ERC1: variants seen among roughly 807,000 people sequenced by gnomAD.
ERC1 encodes RAB6 interacting protein 2.
Under a neutral mutation model 132.0 loss-of-function variants are expected in ERC1, and 56 were observed. That is an observed-to-expected ratio of 0.42 (90% confidence interval 0.34 to 0.53). ERC1 has a LOEUF of 0.53. Ranked by LOEUF, ERC1 falls within the 20% of genes least tolerant of loss-of-function variation. The pLI is 0.03. For synonymous variants in ERC1, 478 were observed against 476.1 expected (o/e 1.00, Z -0.05); for missense variants, 1,202 against 1,349.9 (o/e 0.89, Z 1.72).
intron 2 of ERC1, among the ~76,000 whole-genome samples, chr12:1,045,041 A>G (rs948309899): frequency 2.1e-4 from 32 of 152,274 alleles, no homozygotes; most frequent in African/African-American, 7.5e-4. Context: ...TCCACAAATA[A>G]TTTAAAATAC....
chr12:1,438,972 A>ATATATAT (rs1246217572), intron 17 of ERC1, among the ~76,000 whole-genome samples: 3,329 of 143,784 alleles, frequency 0.023, 60 homozygotes, highest in Non-Finnish European at 0.035. Flanking sequence ...TATATATATA[A>ATATATAT]AAAATGACAT....
intron 2 of ERC1, among the ~76,000 whole-genome samples, chr12:1,058,692 C>T (rs1192796042): frequency 1.3e-5 from 2 of 151,434 alleles, no homozygotes; most frequent in Admixed American, 6.6e-5. Context: ...TTTCTGGTTC[C>T]ATATAAACTT....
chr12:1,132,172 T>G (rs992321618), intron 7 of ERC1, among the ~76,000 whole-genome samples: 2 of 152,196 alleles, frequency 1.3e-5, no homozygotes, highest in African/African-American at 4.8e-5. Context: ...GTTTTTGTGG[T>G]GGTTTTTATC....
At chr12:1,419,363 C>A (rs2092330911) in intron 17 of ERC1, among the ~76,000 whole-genome samples, 1 of 151,588 alleles carries the variant, frequency 6.6e-6, no homozygotes, top group Non-Finnish European at 1.5e-5. Flanking sequence ...AATTATACGT[C>A]CTGGATACAT....
Position 1,444,746 on chromosome 12 carries a change from G to A in ERC1, c.3209G>A (p.Gly1070Glu). ...WENELQKMTR[G>E]QLQDELEKGE... ...AATGAGCTGCAGAAGATGACCCGGG[G>A]GCAGGTGAGCCTCTCACTCAAACTT... The change falls in exon 18 of 19, where the codon GGG (glycine) becomes GAG (glutamate). Residue 1070 changes from glycine (G) to glutamate (E), a missense_variant. Transcript: ENST00000360905. 11 of 1,613,370 alleles carry A rather than the reference G, an allele frequency of 6.8e-6. No individual in the cohort carries two copies. Among genetic ancestry groups the A allele is most frequent in the Non-Finnish European group, 9.3e-6 (11 of 1,179,816 alleles).
At chr12:1,459,240 C>A (rs1337367838) in intron 18 of ERC1, among the ~76,000 whole-genome samples, 1 of 152,050 alleles carries the variant, frequency 6.6e-6, no homozygotes, top group Non-Finnish European at 1.5e-5. Context: ...AAAATGGTTT[C>A]TATGAAATGA....
chr12:1,073,175 C>G (rs1940719872), intron 2 of ERC1, among the ~76,000 whole-genome samples: 1 of 152,044 alleles, frequency 6.6e-6, no homozygotes, highest in South Asian at 2.1e-4. Flanking sequence ...TGGCTGTGCA[C>G]TTGTAGTCCC....
intron 1 of ERC1, among the ~76,000 whole-genome samples, chr12:1,017,678 T>C (rs963701768): frequency 6.6e-6 from 1 of 151,934 alleles, no homozygotes; most frequent in African/African-American, 2.4e-5. Context: ...TTTGTATTTT[T>C]CGTAGAGATG....
intron 2 of ERC1, among the ~76,000 whole-genome samples, chr12:1,076,200 C>T (rs35586095): frequency 0.23 from 34,527 of 151,952 alleles, 4,343 homozygotes; most frequent in Middle Eastern, 0.28. Flanking sequence ...TGCTGTGCTT[C>T]GTATAGTACA....
At chr12:1,430,712 CAG>C (rs1017131907) in intron 17 of ERC1, 10 of 152,224 alleles carry the variant, frequency 6.6e-5, no homozygotes, top group African/African-American at 2.4e-4. Flanking sequence ...TATGGGATGT[CAG>C]AGAGGGAAAA....
intron 12 of ERC1, among the ~76,000 whole-genome samples, chr12:1,209,848 A>G (rs952778619): frequency 7.2e-5 from 11 of 152,188 alleles, no homozygotes; most frequent in African/African-American, 2.4e-4. Flanking sequence ...ACATTTAACA[A>G]TATCTCTGTT....
At position 1,002,596 on chromosome 12, in the gene ERC1, A is replaced by G. The variant is rs1962614192; in HGVS notation, c.-157+11274A>G. Reference sequence around the variant, plus strand: ...ATATGTAGAATTTTAGATAATTGCCAAACAGTATTCCTTCTTTGTGGTTCT... The same window carrying G: ...ATATGTAGAATTTTAGATAATTGCCGAACAGTATTCCTTCTTTGTGGTTCT... On this transcript the variant is annotated intron_variant, in intron 1 of 18. Transcript: ENST00000360905. Among the ~76,000 whole-genome samples, 3 of 152,268 alleles carry G rather than the reference A, an allele frequency of 2.0e-5. No homozygotes were observed. The South Asian group carries it at 6.2e-4, about 32-fold the overall frequency.
chr12:1,142,411 C>A (rs1266317253), intron 8 of ERC1, among the ~76,000 whole-genome samples: 1 of 152,122 alleles, frequency 6.6e-6, no homozygotes, highest in Non-Finnish European at 1.5e-5. Context: ...AAATTTCTTC[C>A]TTTACATAAA....
At position 1,083,361 on chromosome 12, in the gene ERC1, G is replaced by A. The variant is rs1325890603; in HGVS notation, c.867G>A (p.Glu289=). 1.2e-6 allele frequency: 2 copies of A among 1,614,130 alleles called. No homozygotes were observed. The highest frequency in any genetic ancestry group is 1.3e-5 in the African/African-American group (1 of 75,042). Residue 289 remains glutamate, a synonymous_variant, in exon 3 of 19, where the codon GAG becomes GAA. Coordinates refer to ENST00000360905, the MANE Select transcript of ERC1 (RefSeq NM_178040.4). ...TGTTTCTTCTTCGAAAGACATTGGA[G>A]GAAATGGAGCTGCGTATTGAGACTC... is the stretch of plus-strand genomic sequence containing the variant. ...KELFLLRKTL[E]EMELRIETQK... is the part of the protein sequence containing the mutation.
At chr12:1,072,597 G>A (rs1424999466) in intron 2 of ERC1, among the ~76,000 whole-genome samples, 4 of 148,696 alleles carry the variant, frequency 2.7e-5, no homozygotes, top group Admixed American at 6.7e-5. Flanking sequence ...ATACTGCAGT[G>A]TTTTGCTTCA....
chr12:1,076,879 G>C (rs1245464801), intron 2 of ERC1, among the ~76,000 whole-genome samples: 1 of 152,118 alleles, frequency 6.6e-6, no homozygotes, highest in Admixed American at 6.6e-5. Flanking sequence ...AAAGTTTATT[G>C]ATGATAAATA....
chr12:1,186,536 A>T (rs766393360), intron 11 of ERC1, among the ~76,000 whole-genome samples: 14 of 152,196 alleles, frequency 9.2e-5, no homozygotes, highest in Non-Finnish European at 1.8e-4. Context: ...CAAAGGTGAT[A>T]TTTTATACAA....
intron 18 of ERC1, among the ~76,000 whole-genome samples, chr12:1,471,051 A>G (rs988780558): frequency 1.3e-5 from 2 of 152,048 alleles, no homozygotes; most frequent in African/African-American, 4.8e-5. Flanking sequence ...TTTTATAGTC[A>G]TGTTTTCTGT....
At chr12:1,148,154 CTTATTT>C (rs1950541129) in intron 8 of ERC1, among the ~76,000 whole-genome samples, 1 of 152,140 alleles carries the variant, frequency 6.6e-6, no homozygotes, top group Admixed American at 6.5e-5. Context: ...TAACGCATTG[CTTATTT>C]TTAACTAGGT....
Sources: allele counts gnomAD v4.1 joint callset (sites outside exome capture counted in the v4.1 genomes callset), GRCh38; gene constraint gnomAD v4.1.1; transcripts MANE v1.5; gene names NCBI Gene and HGNC (gene_info 2026-07-23, HGNC 2026-07-21).